Variants in CCNG1 observed in about 807,000 individuals in gnomAD.
The protein encoded by CCNG1 is cyclin G1, also known as cyclin-G1.
Under a neutral mutation model 30.0 loss-of-function variants are expected in CCNG1, and 13 were observed. That is an observed-to-expected ratio of 0.43 (90% CI 0.28 to 0.69). The LOEUF is 0.69. Ranked by LOEUF, CCNG1 falls within the 30% of genes least tolerant of loss-of-function variation. The pLI, the probability that CCNG1 is intolerant of heterozygous loss-of-function variation, is 0.16. For synonymous variants in CCNG1, 110 were observed against 121.5 expected, an observed-to-expected ratio of 0.91 and a Z score of 0.62; for missense variants, 285 against 331.4, an observed-to-expected ratio of 0.86 and a Z score of 1.09.
At position 163,439,516 on chromosome 5, in the gene CCNG1, T is replaced by C; in HGVS notation, c.260T>C (p.Met87Thr). The C allele has an allele frequency of 1.2e-6, 2 of 1,611,884 alleles. No individual in the cohort carries two copies. Among genetic ancestry groups the C allele is most frequent in the Non-Finnish European group, 1.7e-6 (2 of 1,178,524 alleles). ...TTACTGGACAGATTCCTGTCTAAAATGAAGGTATGTTTGAAGCTACATTTT... is the reference window on the plus strand; with the variant it reads ...TTACTGGACAGATTCCTGTCTAAAACGAAGGTATGTTTGAAGCTACATTTT... The part of the protein sequence containing the change: ...VNLLDRFLSK[M>T]KVQPKHLGCV... The change falls in exon 2 of 7, where the codon ATG becomes ACG. Residue 87 changes from methionine to threonine, a missense_variant. Met to Thr is a moderately conservative substitution (Grantham distance 81). Coordinates refer to ENST00000340828, the MANE Select transcript of CCNG1 (RefSeq NM_004060.4).
rs750338000 is a variant in CCNG1, at chr5:163,439,530, A to G, written c.264+10A>G. The G allele has an allele frequency of 2.0e-5, 32 of 1,604,438 alleles. No individual in the cohort carries two copies. Among genetic ancestry groups the G allele is most frequent in the Middle Eastern group, 3.3e-4 (2 of 6,034 alleles). On this transcript the variant is annotated intron_variant, in intron 2 of 6. Transcript: ENST00000340828. ...CCTGTCTAAAATGAAGGTATGTTTG[A>G]AGCTACATTTTTGTAATTTTGCTCA... is the stretch of plus-strand genomic sequence containing the variant.
chr5:163,442,278 C>A, intron 5 of CCNG1, 96 bp from the exon 6 acceptor site: 1 of 1,141,708 alleles, frequency 8.8e-7, no homozygotes, highest in Non-Finnish European at 1.3e-6. Context: ...TTTTAATGAG[C>A]AAAGACACAT....
chr5:163,451,127 G>A (rs1237112413), downstream of CCNG1: 1 of 152,176 alleles, frequency 6.6e-6, no homozygotes, highest in Non-Finnish European at 1.5e-5. Context: ...GGCGGGGGAT[G>A]ACAGGAGAAG....
Position 163,443,736 on chromosome 5 carries a change from C to T in CCNG1, c.*66C>T. The T allele has an allele frequency of 6.6e-7, 1 of 1,522,108 alleles. No individual in the cohort carries two copies. Among genetic ancestry groups the T allele is most frequent in the Non-Finnish European group, 8.8e-7 (1 of 1,135,958 alleles). The allele number at this position is 1,522,108 out of a possible 1,614,324, so 94.3% of individuals were successfully genotyped here. ...CTCCACAACCTTGTTCTATGGATTC[C>T]ATAATGTTACAATGGATTTAAGCTA... On this transcript the variant is annotated 3_prime_UTR_variant, in exon 7 of 7. Transcript: ENST00000340828.
chr5:163,454,195 A>G, the CCNG1 span: 1 of 440,302 alleles, frequency 2.3e-6, no homozygotes, highest in East Asian at 3.5e-5. Flanking sequence ...CCAAAGTAAT[A>G]TTTAAAATTA....
At chr5:163,457,546 T>C in the CCNG1 span, 5 of 1,414,226 alleles carry the variant, frequency 3.5e-6, no homozygotes, top group East Asian at 2.3e-5. Context: ...TGATGAATTA[T>C]AGTAATTACC....
intron 6 of CCNG1, among the ~76,000 whole-genome samples, chr5:163,443,299 A>G (rs1310126337): frequency 6.3e-4 from 92 of 146,044 alleles, no homozygotes; most frequent in African/African-American, 2.4e-3. Context: ...GCGACAGAGC[A>G]AGACTCCGCC....
chr5:163,443,219 G>A (rs1757912019), intron 6 of CCNG1, among the ~76,000 whole-genome samples: 1 of 151,732 alleles, frequency 6.6e-6, no homozygotes, highest in African/African-American at 2.4e-5. Flanking sequence ...GGCTGAGGCA[G>A]GAGAATGGCG....
chr5:163,442,632 AAAG>A, intron 6 of CCNG1, 64 bp downstream of exon 6: 2 of 1,247,946 alleles, frequency 1.6e-6, no homozygotes, highest in Non-Finnish European at 2.3e-6. Context: ...ATTTTCAACT[AAAG>A]AAGAGTAATT....
downstream of CCNG1, chr5:163,451,025 A>G (rs895546161): frequency 6.6e-6 from 1 of 152,238 alleles, no homozygotes; most frequent in African/African-American, 2.4e-5. Context: ...AAAGTGAAGG[A>G]AGCCAGTAAC....
In CCNG1 at chr5:163,442,582, G is replaced by A. The variant is rs1399175673; in HGVS notation, c.*3+14G>A. On this transcript the variant is annotated intron_variant, in intron 6 of 6. Coordinates refer to ENST00000340828, the MANE Select transcript of CCNG1 (RefSeq NM_004060.4). ...GTCCCTTAACTGGTAAATTTGGTCC[G>A]TTATTATTCTCCAGATAGAGAACAT... The A allele has an allele frequency of 5.7e-6, 9 of 1,565,876 alleles. No homozygotes were observed. The highest frequency in any genetic ancestry group is 2.4e-5 in the South Asian group (2 of 84,728).
the CCNG1 span, chr5:163,453,973 C>T: frequency 6.6e-7 from 1 of 1,526,408 alleles, no homozygotes; most frequent in African/African-American, 1.4e-5. Flanking sequence ...GCAGTTATTT[C>T]TCAAGGTTTG....
chr5:163,451,171 A>G, the CCNG1 span: 2 of 152,216 alleles, frequency 1.3e-5, no homozygotes, highest in African/African-American at 4.8e-5. Flanking sequence ...TTTCTATCTG[A>G]GGTGATGAAA....
chr5:163,442,614 A>G (rs1447430671), intron 6 of CCNG1, 46 bp downstream of exon 6: 8 of 1,431,910 alleles, frequency 5.6e-6, no homozygotes, highest in African/African-American at 1.4e-5. Context: ...ACATTTTCCA[A>G]TGCCATAATT....
intron 1 of CCNG1, among the ~76,000 whole-genome samples, chr5:163,438,140 A>T (rs1269047056): frequency 6.6e-6 from 1 of 152,154 alleles, no homozygotes; most frequent in Non-Finnish European, 1.5e-5. Context: ...TCCAGGGCTT[A>T]GCTTGTGCCC....
Position 163,441,115 on chromosome 5 carries a change from G to C in CCNG1, c.302G>C (p.Cys101Ser), listed in dbSNP as rs1241510102. Reference protein sequence around the residue: ...PKHLGCVGLSCFYLAVKSIEE... With the variant: ...PKHLGCVGLSSFYLAVKSIEE... ...CACCTTGGGTGTGTTGGACTGAGCT[G>C]CTTTTATTTGGCTGTAAAATCAATA... The change falls in exon 3 of 7, where the codon TGC becomes TCC. Residue 101 changes from cysteine to serine, a missense_variant. Coordinates refer to ENST00000340828, the MANE Select transcript of CCNG1 (RefSeq NM_004060.4). 6.2e-7 allele frequency: 1 copy of C among 1,613,908 alleles called. No individual in the cohort carries two copies. Among genetic ancestry groups the C allele is most frequent in the Admixed American group, 1.7e-5 (1 of 60,012 alleles).
chr5:163,437,649 C>G lies in CCNG1; in HGVS notation c.-156C>G, dbSNP rs1475270036. The G allele has an allele frequency of 6.6e-6, 1 of 152,294 alleles. No individual in the cohort carries two copies. Among genetic ancestry groups the G allele is most frequent in the Non-Finnish European group, 1.5e-5 (1 of 68,164 alleles). The allele number at this position is 152,294 out of a possible 1,614,324, so 9.4% of individuals were successfully genotyped here. A position where few individuals can be genotyped will look rare whatever the true frequency, so the allele number is the denominator to read the frequency against. On this transcript the variant is annotated 5_prime_UTR_variant, in exon 1 of 7. Transcript: ENST00000340828. ...GGCCGAGTTGTCTCGGCGGCGCTGC[C>G]GAGGCCTCCACCCAGGACAGTCCCC... is the stretch of plus-strand genomic sequence containing the variant.
chr5:163,449,352 G>A (rs955008978), downstream of CCNG1: 10 of 152,158 alleles, frequency 6.6e-5, no homozygotes, highest in Non-Finnish European at 8.8e-5. Context: ...ACATACTAGC[G>A]ATGTGCAATT....
the CCNG1 span, chr5:163,453,958 A>G: frequency 6.7e-7 from 1 of 1,486,106 alleles, no homozygotes; most frequent in Non-Finnish European, 9.1e-7. Context: ...AATGCAGGAA[A>G]AAAAGCAGTT....
Sources: gnomAD v4.1 joint callset for allele counts (sites outside exome capture counted in the v4.1 genomes callset) on GRCh38, gnomAD v4.1.1 for gene constraint, MANE v1.5 for transcripts, NCBI Gene and HGNC (gene_info 2026-07-23, HGNC 2026-07-21) for gene names.